Variants in CDH20 observed in about 807,000 individuals in gnomAD.
CDH20 encodes the protein cadherin-20.
In CDH20, 29 loss-of-function variants were observed where a neutral mutation model predicts 74.2. The observed-to-expected ratio is 0.39, with a 90% CI of 0.29 to 0.53. The LOEUF (loss-of-function observed/expected upper bound fraction) is 0.53. Ranked by LOEUF, CDH20 falls within the 20% of genes least tolerant of loss-of-function variation. The pLI, the probability that CDH20 is intolerant of heterozygous loss-of-function variation, is 0.69. For synonymous variants in CDH20, 469 were observed against 405.4 expected (o/e 1.16, Z -1.88); for missense variants, 988 against 1,048.3 (o/e 0.94, Z 0.79).
At chr18:61,432,723 AG>A (rs1461018673) in intron 1 of CDH20, among the ~76,000 whole-genome samples, 1 of 152,168 alleles carries the variant, frequency 6.6e-6, no homozygotes, top group African/African-American at 2.4e-5. Context: ...CAGCCATCTG[AG>A]GAAGACAGCC....
intron 1 of CDH20, among the ~76,000 whole-genome samples, chr18:61,391,302 G>A (rs1159981745): frequency 6.6e-6 from 1 of 152,080 alleles, no homozygotes; most frequent in African/African-American, 2.4e-5. Flanking sequence ...AAATTAAAAA[G>A]ATTGACAATA....
chr18:61,511,831 A>T (rs1911793433), intron 6 of CDH20, among the ~76,000 whole-genome samples: 1 of 152,226 alleles, frequency 6.6e-6, no homozygotes, highest in African/African-American at 2.4e-5. Context: ...ATCAAAATAC[A>T]TATCAATTTT....
intron 1 of CDH20, among the ~76,000 whole-genome samples, chr18:61,446,767 C>A (rs1375838525): frequency 6.6e-6 from 1 of 152,070 alleles, no homozygotes; most frequent in Non-Finnish European, 1.5e-5. Flanking sequence ...TTTTTGATAT[C>A]CTTGGATAGG....
intron 1 of CDH20, among the ~76,000 whole-genome samples, chr18:61,408,168 G>A (rs1421606757): frequency 1.3e-5 from 2 of 151,794 alleles, no homozygotes; most frequent in Non-Finnish European, 2.9e-5. Flanking sequence ...TTATTAAGGG[G>A]GAAAATAGAA....
intron 6 of CDH20, among the ~76,000 whole-genome samples, chr18:61,525,635 G>A (rs369703233): frequency 6.7e-4 from 102 of 152,148 alleles, no homozygotes; most frequent in African/African-American, 2.1e-3. Flanking sequence ...AATGGCTGGC[G>A]ACTCATGAAA....
Position 61,381,722 on chromosome 18 carries a change from G to A in CDH20, c.-153+47895G>A, listed in dbSNP as rs114147223. 4.3e-3 allele frequency among the ~76,000 whole-genome samples: 649 copies of A among 152,310 alleles called. 11 individuals carry two copies. Among genetic ancestry groups the A allele is most frequent in the African/African-American group, 0.015 (625 of 41,564 alleles). On this transcript the variant is annotated intron_variant, in intron 1 of 11. Transcript: ENST00000262717. ...AAAACACCATTCAAGTTGCTCATTA[G>A]GAACCTGTAGAATCTCTAAGAGCTG...
chr18:61,540,064 G>A (rs1024128123), intron 9 of CDH20, among the ~76,000 whole-genome samples: 1 of 152,176 alleles, frequency 6.6e-6, no homozygotes. Context: ...ATGCATGTCA[G>A]GCTGTTGCCT....
chr18:61,354,829 G>C (rs1050765339), intron 1 of CDH20, among the ~76,000 whole-genome samples: 1 of 151,874 alleles, frequency 6.6e-6, no homozygotes, highest in Admixed American at 6.6e-5. Context: ...TTCTATTCTA[G>C]GTTTGAGCTA....
chr18:61,361,670 C>A (rs932063494), intron 1 of CDH20, among the ~76,000 whole-genome samples: 1 of 152,116 alleles, frequency 6.6e-6, no homozygotes, highest in African/African-American at 2.4e-5. Flanking sequence ...GTAAGCTTAG[C>A]AATATTTATA....
chr18:61,493,642 C>T (rs571846790), intron 2 of CDH20, among the ~76,000 whole-genome samples: 1 of 152,336 alleles, frequency 6.6e-6, no homozygotes, highest in East Asian at 1.9e-4. Context: ...CTGACTTCCG[C>T]TCATCAGGCC....
At chr18:61,548,818 T>C (rs770656589) in intron 10 of CDH20, among the ~76,000 whole-genome samples, 4 of 152,224 alleles carry the variant, frequency 2.6e-5, no homozygotes, top group African/African-American at 7.2e-5. Flanking sequence ...CAAATCACTA[T>C]TGCTCATCAA....
At chr18:61,543,424 G>A (rs888109360) in intron 9 of CDH20, among the ~76,000 whole-genome samples, 1 of 152,154 alleles carries the variant, frequency 6.6e-6, no homozygotes, top group African/African-American at 2.4e-5. Flanking sequence ...TATGAAGGAG[G>A]CTGCCGTTCA....
intron 10 of CDH20, among the ~76,000 whole-genome samples, chr18:61,548,440 T>C (rs563322140): frequency 2.1e-3 from 322 of 152,332 alleles, no homozygotes; most frequent in Admixed American, 3.9e-3. Flanking sequence ...ATTATTACTA[T>C]GTCCAAATTG....
intron 6 of CDH20, among the ~76,000 whole-genome samples, chr18:61,521,113 C>CA (rs553555160): frequency 6.6e-6 from 1 of 150,708 alleles, no homozygotes; most frequent in Non-Finnish European, 1.5e-5. Context: ...AAAAAACCTT[C>CA]AAAAAAATCA....
intron 1 of CDH20, among the ~76,000 whole-genome samples, chr18:61,392,683 C>T (rs150034704): frequency 1.3e-5 from 2 of 151,564 alleles, no homozygotes; most frequent in African/African-American, 4.8e-5. Flanking sequence ...ACTGAAGCAT[C>T]TTGAGTGAAC....
intron 1 of CDH20, among the ~76,000 whole-genome samples, chr18:61,429,955 C>T (rs75698066): frequency 0.042 from 6,449 of 152,234 alleles, 158 homozygotes; most frequent in Middle Eastern, 0.11. Flanking sequence ...TATTGTGTCA[C>T]ATATACATGT....
rs114335634 is a variant in CDH20 at position 61,548,612 on chromosome 18, C to T, written c.1649-1366C>T. 5.0e-3 allele frequency among the ~76,000 whole-genome samples: 757 copies of T among 152,286 alleles called. 8 individuals are homozygous for T. The highest frequency in any genetic ancestry group is 0.017 in the African/African-American group (714 of 41,566). On this transcript the variant is annotated intron_variant, in intron 10 of 11. Coordinates refer to ENST00000262717, the MANE Select transcript of CDH20 (RefSeq NM_031891.4). ...CAGATTATGCTATGGGAACAACTACCACAAAAATCTCAGTGGCTTAGCACA... is the reference window on the plus strand; with the variant it reads ...CAGATTATGCTATGGGAACAACTACTACAAAAATCTCAGTGGCTTAGCACA...
Position 61,520,852 on chromosome 18 carries a change from T to C in CDH20, c.1018-7115T>C, listed in dbSNP as rs1268187487. 2.0e-5 allele frequency among the ~76,000 whole-genome samples: 3 copies of C among 151,024 alleles called. 1 individual carries two copies. Among genetic ancestry groups the C allele is most frequent in the Admixed American group, 6.6e-5 (1 of 15,208 alleles). On this transcript the variant is annotated intron_variant, in intron 6 of 11. Transcript: ENST00000262717. The stretch of plus-strand genomic sequence containing the variant: ...CCTGAATGACTACTGGGTAAATAAC[T>C]AAATTAAGGCAGAAATAAGCTTCTT...
At chr18:61,491,708 A>G (rs2144298929) in intron 2 of CDH20, among the ~76,000 whole-genome samples, 1 of 152,134 alleles carries the variant, frequency 6.6e-6, no homozygotes, top group Admixed American at 6.5e-5. Context: ...TTCTTAACCC[A>G]GGTATCTGGC....
Sources: allele counts gnomAD v4.1 joint callset (sites outside exome capture counted in the v4.1 genomes callset), GRCh38; gene constraint gnomAD v4.1.1; transcripts MANE v1.5; gene names NCBI Gene and HGNC (gene_info 2026-07-23, HGNC 2026-07-21).